Variants in SEMA4F observed in about 807,000 individuals in gnomAD.
SEMA4F encodes the protein ssemaphorin 4F, also known as semaphorin-4F.
SEMA4F carries 51 observed loss-of-function variants against 78.4 expected under a neutral mutation model. The observed-to-expected ratio is 0.65, with a 90% CI of 0.52 to 0.82. The LOEUF (loss-of-function observed/expected upper bound fraction) is 0.82, where lower values mean the gene tolerates loss of function less well. Ranked by LOEUF, SEMA4F falls within the 40% of genes least tolerant of loss-of-function variation. The pLI is 0.00. For missense variants in SEMA4F, 938 were observed against 1,014.4 expected (o/e 0.92, Z 1.02); for synonymous variants, 418 against 408.7 (o/e 1.02, Z -0.27).
chr2:74,703,801 T>C, the SEMA4F span, among the ~76,000 whole-genome samples: 3 of 152,224 alleles, frequency 2.0e-5, no homozygotes, highest in Non-Finnish European at 2.9e-5. Flanking sequence ...GGGCCACAGA[T>C]TGCTCTGAGT....
downstream of SEMA4F, among the ~76,000 whole-genome samples, chr2:74,688,123 TCAGGTCATA>T (rs1685857226): frequency 6.6e-6 from 1 of 152,214 alleles, no homozygotes; most frequent in South Asian, 2.1e-4. Context: ...AATAACTTGC[TCAGGTCATA>T]CAGTTAGTTT....
intron 1 of SEMA4F, among the ~76,000 whole-genome samples, chr2:74,656,012 ATT>A (rs35061970): frequency 2.1e-5 from 3 of 145,532 alleles, no homozygotes; most frequent in Admixed American, 6.9e-5. Flanking sequence ...TGAGGTTTAG[ATT>A]TTTTTTTTTT....
chr2:74,674,388 C>T lies in SEMA4F; in HGVS notation c.823-110C>T, dbSNP rs1685149789. On this transcript the variant is annotated intron_variant, in intron 7 of 13. Transcript: ENST00000357877. ...CCTTGCATTTGTATGTATCTGTCTC[C>T]CCATCTGTCTGTCTGCCCTGAAGTC... is the stretch of plus-strand genomic sequence containing the variant. 6.5e-6 allele frequency: 6 copies of T among 926,080 alleles called. No homozygotes were observed. In the South Asian group the frequency reaches 1.0e-4, roughly 15 times the overall value. The allele number at this position is 926,080 out of a possible 1,614,324, so 57.4% of individuals were successfully genotyped here. A position where few individuals can be genotyped will look rare whatever the true frequency, so the allele number is the denominator to read the frequency against.
In SEMA4F at chr2:74,683,745, G is replaced by A. The variant is rs1407560171; in HGVS notation, c.*3536G>A. ...GGATTCATGTGGAATTCTTGGGAGA[G>A]GGATGACCACCCTGAAGATGGCTGA... On this transcript the variant is annotated 3_prime_UTR_variant, in exon 14 of 14. Coordinates refer to ENST00000357877, the MANE Select transcript of SEMA4F (RefSeq NM_004263.5). The A allele has an allele frequency of 1.3e-5, 2 of 152,154 alleles. No individual in the cohort carries two copies. The highest frequency in any genetic ancestry group is 2.9e-5 in the Non-Finnish European group (2 of 68,024). The allele number at this position is 152,154 out of a possible 1,614,324, so 9.4% of individuals were successfully genotyped here. A position where few individuals can be genotyped will look rare whatever the true frequency, so the allele number is the denominator to read the frequency against.
the SEMA4F span, among the ~76,000 whole-genome samples, chr2:74,693,368 C>A: frequency 6.6e-6 from 1 of 152,316 alleles, no homozygotes; most frequent in Admixed American, 6.5e-5. Flanking sequence ...AGAACTCATT[C>A]TTGACTTGAA....
intron 5 of SEMA4F, among the ~76,000 whole-genome samples, chr2:74,666,538 G>T (rs932684323): frequency 6.6e-6 from 1 of 152,018 alleles, no homozygotes; most frequent in Non-Finnish European, 1.5e-5. Context: ...TATGTCTCTA[G>T]CTGTCTCAGA....
chr2:74,700,086 G>A, the SEMA4F span, among the ~76,000 whole-genome samples: 2 of 152,120 alleles, frequency 1.3e-5, no homozygotes, highest in African/African-American at 4.8e-5. Flanking sequence ...AGAACACCAC[G>A]GCTGACATGG....
In SEMA4F at chr2:74,658,650, G is replaced by A. The variant is rs3025986; in HGVS notation, c.456+699G>A. Among the ~76,000 whole-genome samples, 14,354 of 152,276 alleles carry A rather than the reference G, an allele frequency of 0.094. 2,109 individuals are homozygous for A. The highest frequency in any genetic ancestry group is 0.31 in the African/African-American group (13,028 of 41,504). On this transcript the variant is annotated intron_variant, in intron 4 of 13. Coordinates refer to ENST00000357877, the MANE Select transcript of SEMA4F (RefSeq NM_004263.5). The surrounding 1 kb of genome is among the most constrained non-coding windows in gnomAD (Gnocchi z 4.3). ...TCCTAATCACATCTAGGCTAGTCATGATCTCTGGGACTGATGACTGTTTCT... is the reference window on the plus strand; with the variant it reads ...TCCTAATCACATCTAGGCTAGTCATAATCTCTGGGACTGATGACTGTTTCT...
chr2:74,703,823 A>C, the SEMA4F span, among the ~76,000 whole-genome samples: 147 of 152,326 alleles, frequency 9.7e-4, 1 homozygote, highest in African/African-American at 3.4e-3. Flanking sequence ...AACCACCAGG[A>C]GCTGCCAATA....
chr2:74,701,551 A>C, the SEMA4F span, among the ~76,000 whole-genome samples: 2 of 152,168 alleles, frequency 1.3e-5, no homozygotes, highest in African/African-American at 4.8e-5. Flanking sequence ...AGATACCCCA[A>C]GTCCATTGCT....
intron 4 of SEMA4F, among the ~76,000 whole-genome samples, chr2:74,659,915 C>T (rs952070867): frequency 1.3e-5 from 2 of 152,188 alleles, no homozygotes; most frequent in Non-Finnish European, 1.5e-5. Context: ...AGCATTGGAT[C>T]TAAGGGCTCC....
At chr2:74,669,585 A>AAAC (rs150974049) in intron 5 of SEMA4F, among the ~76,000 whole-genome samples, 8,633 of 151,412 alleles carry the variant, frequency 0.057, 648 homozygotes, top group African/African-American at 0.18. Context: ...ACTCTGTCTC[A>AAAC]AACAACAACA....
At chr2:74,662,281 A>C (rs896811141) in intron 4 of SEMA4F, among the ~76,000 whole-genome samples, 5 of 152,178 alleles carry the variant, frequency 3.3e-5, no homozygotes, top group African/African-American at 1.2e-4. Context: ...GTCCTTTATC[A>C]GCCTGCACTT....
intron 5 of SEMA4F, among the ~76,000 whole-genome samples, chr2:74,669,075 A>G (rs1268660167): frequency 6.6e-6 from 1 of 151,972 alleles, no homozygotes; most frequent in Non-Finnish European, 1.5e-5. Context: ...AGCTGGGGCA[A>G]CATACTGAGA....
At chr2:74,678,409 C>T (rs1010804818) in intron 12 of SEMA4F, among the ~76,000 whole-genome samples, 3 of 152,190 alleles carry the variant, frequency 2.0e-5, no homozygotes, top group African/African-American at 7.2e-5. Context: ...TCCCCACTCT[C>T]AGCTAGACTA....
chr2:74,674,349 G>A lies in SEMA4F; in HGVS notation c.823-149G>A. The A allele has an allele frequency of 7.5e-6, 5 of 662,354 alleles. No homozygotes were observed. In the South Asian group the frequency reaches 9.8e-5, roughly 13 times the overall value. The allele number at this position is 662,354 out of a possible 1,614,324, so 41.0% of individuals were successfully genotyped here. A position where few individuals can be genotyped will look rare whatever the true frequency, so the allele number is the denominator to read the frequency against. Reference sequence around the variant, plus strand: ...ATCTCATTATCCCCGCAGCTACTCTGTGTGGCTCTCTGTCCTTGCATTTGT... The same window carrying A: ...ATCTCATTATCCCCGCAGCTACTCTATGTGGCTCTCTGTCCTTGCATTTGT... On this transcript the variant is annotated intron_variant, in intron 7 of 13. Coordinates refer to ENST00000357877, the MANE Select transcript of SEMA4F (RefSeq NM_004263.5).
chr2:74,673,888 T>C (rs985606529), intron 7 of SEMA4F, 60 bp downstream of exon 7: 3 of 1,543,390 alleles, frequency 1.9e-6, no homozygotes, highest in Admixed American at 1.9e-5. Flanking sequence ...CCCCGTCTTA[T>C]CTTTTCCTCT....
rs1247890712 is a variant in SEMA4F, at chr2:74,674,573, C to T, written c.898C>T (p.Pro300Ser). The change falls in exon 8 of 14, where the codon CCT becomes TCT. Residue 300 changes from proline (P) to serine (S), a missense_variant. By Grantham distance (74) the Pro-to-Ser change is moderately conservative. Coordinates refer to ENST00000357877, the MANE Select transcript of SEMA4F (RefSeq NM_004263.5). ...GAAAGCTGACCTGCTCTGTCCAGGG[C>T]CTGAGCATGGCCGGGCCTCCAGTGT... is the stretch of plus-strand genomic sequence containing the variant. ...FLKADLLCPG[P>S]EHGRASSVLQ... 8 of 1,614,112 alleles carry T rather than the reference C, an allele frequency of 5.0e-6. No homozygotes were observed. The highest frequency in any genetic ancestry group is 3.3e-5 in the South Asian group (3 of 91,066).
At chr2:74,694,184 T>A in the SEMA4F span, among the ~76,000 whole-genome samples, 1 of 152,176 alleles carries the variant, frequency 6.6e-6, no homozygotes, top group African/African-American at 2.4e-5. Flanking sequence ...CTTTCATACC[T>A]TTTATGCTTT....
Sources: allele counts gnomAD v4.1 joint callset (sites outside exome capture counted in the v4.1 genomes callset), GRCh38; gene constraint gnomAD v4.1.1; non-coding constraint Gnocchi (gnomAD v3.1); transcripts MANE v1.5; gene names NCBI Gene and HGNC (gene_info 2026-07-23, HGNC 2026-07-21).